Variants in SIM2 observed in about 807,000 individuals in gnomAD.
SIM2 encodes single-minded homolog 2.
In SIM2, 28 loss-of-function variants were observed where a neutral mutation model predicts 64.8. The ratio of observed to expected loss-of-function variants is 0.43; its 90% CI spans 0.32 to 0.59. The LOEUF (loss-of-function observed/expected upper bound fraction) is 0.59. Among genes scored for constraint, SIM2 ranks in the 20% least tolerant of loss-of-function variants. The probability of loss-of-function intolerance (pLI) is 0.07; values close to 1 mark genes in which losing one functional copy is unlikely to be tolerated. For missense variants in SIM2, 847 were observed against 871.4 expected, an observed-to-expected ratio of 0.97 and a Z score of 0.35; for synonymous variants, 408 against 391.1, an observed-to-expected ratio of 1.04 and a Z score of -0.51.
At chr21:36,708,431 G>C (rs939587489) in intron 1 of SIM2, among the ~76,000 whole-genome samples, 1 of 152,236 alleles carries the variant, frequency 6.6e-6, no homozygotes, top group South Asian at 2.1e-4. Context: ...CTGTTGAGCG[G>C]AGGAGTCCGG....
At chr21:36,721,142 G>C (rs960880499) in intron 4 of SIM2, among the ~76,000 whole-genome samples, 2 of 152,290 alleles carry the variant, frequency 1.3e-5, no homozygotes, top group African/African-American at 2.4e-5. Flanking sequence ...ATAGTCACTG[G>C]AGTCTAATTA....
At chr21:36,716,860 AT>A (rs55850625) in intron 3 of SIM2, among the ~76,000 whole-genome samples, 45,164 of 147,880 alleles carry the variant, frequency 0.31, 6,747 homozygotes, top group Non-Finnish European at 0.33. Context: ...GACAACCATA[AT>A]TTTTTTTTTT....
chr21:36,725,005 A>G (rs2088870788), intron 5 of SIM2, among the ~76,000 whole-genome samples: 1 of 152,212 alleles, frequency 6.6e-6, no homozygotes, highest in Admixed American at 6.5e-5. Flanking sequence ...AAAATCTTGA[A>G]TTATAAATAA....
At chr21:36,703,299 C>A (rs74631376) in intron 1 of SIM2, among the ~76,000 whole-genome samples, 2 of 152,182 alleles carry the variant, frequency 1.3e-5, no homozygotes, top group Non-Finnish European at 2.9e-5. Context: ...ACATTTACAG[C>A]GAGGTTTGAG....
intron 5 of SIM2, among the ~76,000 whole-genome samples, chr21:36,725,866 C>T (rs1047977275): frequency 1.3e-5 from 2 of 152,200 alleles, no homozygotes; most frequent in African/African-American, 4.8e-5. Flanking sequence ...AGCAATCCCC[C>T]GACCTCGGCC....
intron 8 of SIM2, 49 bp from the exon 9 acceptor site, chr21:36,743,338 C>T (rs559218000): frequency 8.4e-6 from 13 of 1,549,406 alleles, no homozygotes; most frequent in South Asian, 3.7e-5. Flanking sequence ...GGAAGCTGCT[C>T]GGCCTCCAGC....
intron 5 of SIM2, among the ~76,000 whole-genome samples, chr21:36,725,444 C>T (rs1307295525): frequency 6.6e-6 from 1 of 152,190 alleles, no homozygotes; most frequent in South Asian, 2.1e-4. Flanking sequence ...TAAGCAGCAT[C>T]GTCAGTGATG....
rs193021792 is a variant in SIM2 at position 36,727,441 on chromosome 21, G to T, written c.743+1123G>T. On this transcript the variant is annotated intron_variant, in intron 6 of 10. Coordinates refer to ENST00000290399, the MANE Select transcript of SIM2 (RefSeq NM_005069.6). The stretch of plus-strand genomic sequence containing the variant: ...TGATGCTTTGACACATGTCCACTCT[G>T]TGGAACCATCAAACCCCTCCCAAGT... Among the ~76,000 whole-genome samples the T allele has an allele frequency of 8.6e-3, 1,303 of 152,312 alleles. 6 individuals carry two copies. The highest frequency in any genetic ancestry group is 0.014 in the Non-Finnish European group (941 of 68,036).
intron 1 of SIM2, among the ~76,000 whole-genome samples, chr21:36,705,186 G>T (rs185944132): frequency 6.6e-4 from 100 of 152,338 alleles, no homozygotes; most frequent in African/African-American, 2.1e-3. Flanking sequence ...CGAGGTCGGG[G>T]GTGGCGGAGC....
At chr21:36,708,488 G>A (rs996358651) in intron 1 of SIM2, among the ~76,000 whole-genome samples, 8 of 152,218 alleles carry the variant, frequency 5.3e-5, no homozygotes, top group African/African-American at 9.6e-5. Context: ...TCGGCCTGTG[G>A]CCCATCCCTC....
rs2123515355 is a variant in SIM2, at chr21:36,747,773, G to A, written c.1685G>A (p.Arg562His). 8.9e-7 allele frequency: 1 copy of A among 1,127,442 alleles called. No homozygotes were observed. Among genetic ancestry groups the A allele is most frequent in the East Asian group, 4.7e-5 (1 of 21,182 alleles). The allele number at this position is 1,127,442 out of a possible 1,614,324, so 69.8% of individuals were successfully genotyped here. The change falls in exon 11 of 11, where the codon CGC becomes CAC. Residue 562 changes from arginine (R) to histidine (H), a missense_variant. Transcript: ENST00000290399. The surrounding 1 kb of genome is among the most constrained non-coding windows in gnomAD (Gnocchi z 4.5). ...GCGCTGGGCCCGGCCAAAGCCGCCC[G>A]CCAGGCCGCCCGGGACGGGGCGCGG... ...EPALGPAKAA[R>H]QAARDGARLA... is the part of the protein sequence containing the mutation.
intron 1 of SIM2, among the ~76,000 whole-genome samples, chr21:36,707,060 C>T (rs935864458): frequency 1.3e-5 from 2 of 152,180 alleles, no homozygotes; most frequent in Non-Finnish European, 2.9e-5. Flanking sequence ...AGTCTTCCCG[C>T]CATGGGCTTT....
At chr21:36,707,892 C>T (rs2123422652) in intron 1 of SIM2, among the ~76,000 whole-genome samples, 1 of 152,274 alleles carries the variant, frequency 6.6e-6, no homozygotes, top group South Asian at 2.1e-4. Flanking sequence ...CCCGGGGGCT[C>T]CTGCCTTTGG....
At chr21:36,735,730 A>G (rs1319075000) in intron 7 of SIM2, among the ~76,000 whole-genome samples, 1 of 152,198 alleles carries the variant, frequency 6.6e-6, no homozygotes, top group Non-Finnish European at 1.5e-5. Flanking sequence ...TCAGCCCTCA[A>G]CTAGGTCATT....
At chr21:36,719,220 T>A (rs1011736722) in intron 3 of SIM2, among the ~76,000 whole-genome samples, 4 of 152,228 alleles carry the variant, frequency 2.6e-5, no homozygotes, top group African/African-American at 9.6e-5. Context: ...GGCCAGAGAC[T>A]CATTGCTGGT....
intron 7 of SIM2, among the ~76,000 whole-genome samples, chr21:36,733,752 G>A (rs1033958583): frequency 3.9e-5 from 6 of 151,970 alleles, no homozygotes; most frequent in Non-Finnish European, 5.9e-5. Context: ...TAGTAGAGAC[G>A]GGGTTTCACC....
Position 36,709,312 on chromosome 21 carries a change from C to T in SIM2, c.258+62C>T, listed in dbSNP as rs546559682. On this transcript the variant is annotated intron_variant, in intron 2 of 10. Coordinates refer to ENST00000290399, the MANE Select transcript of SIM2 (RefSeq NM_005069.6). The stretch of plus-strand genomic sequence containing the variant: ...GCAGGCTCCCTTCCCACCCCGCCAC[C>T]CCAGCCTCCAGGCGTCCCTTCCCCA... 12 of 1,364,792 alleles carry T rather than the reference C, an allele frequency of 8.8e-6. No homozygotes were observed. In the African/African-American group the frequency reaches 1.3e-4, roughly 15 times the overall value. 84.5% of individuals were successfully genotyped at this position (1,364,792 alleles called of 1,614,324 possible). A position where few individuals can be genotyped will look rare whatever the true frequency, so the allele number is the denominator to read the frequency against.
chr21:36,707,676 G>A (rs1248909033), intron 1 of SIM2, among the ~76,000 whole-genome samples: 1 of 151,758 alleles, frequency 6.6e-6, no homozygotes, highest in Non-Finnish European at 1.5e-5. Flanking sequence ...TGCATTTTAC[G>A]CTTCCAGAGG....
Position 36,714,394 on chromosome 21 carries a change from G to A in SIM2, c.348+1772G>A, listed in dbSNP as rs555947734. Among the ~76,000 whole-genome samples the A allele has an allele frequency of 1.1e-3, 174 of 152,308 alleles. 7 individuals are homozygous for A. In the South Asian group the frequency reaches 0.035, roughly 31 times the overall value. On this transcript the variant is annotated intron_variant, in intron 3 of 10. Coordinates refer to ENST00000290399, the MANE Select transcript of SIM2 (RefSeq NM_005069.6). ...AGCTCCCTAGCAGTCAAAGCAAAAA[G>A]GGAAATGTATTCAGTTATAGAGTTT...
Sources: gnomAD v4.1 joint callset for allele counts (sites outside exome capture counted in the v4.1 genomes callset) on GRCh38, gnomAD v4.1.1 for gene constraint, Gnocchi (gnomAD v3.1) non-coding constraint, MANE v1.5 for transcripts, NCBI Gene and HGNC (gene_info 2026-07-23, HGNC 2026-07-21) for gene names.